The following COL14A1 variants were observed in gnomAD, a reference collection of about 807,000 sequenced individuals.
COL14A1 encodes collagen type XIV alpha 1 chain, also known as collagen alpha-1(XIV) chain.
COL14A1 carries 136 observed loss-of-function variants against 230.3 expected under a neutral mutation model. The observed-to-expected ratio is 0.59, with a 90% CI of 0.51 to 0.68. The LOEUF (loss-of-function observed/expected upper bound fraction) is 0.68, where lower values mean the gene tolerates loss of function less well. Ranked by LOEUF, COL14A1 falls within the 30% of genes least tolerant of loss-of-function variation. The probability of loss-of-function intolerance (pLI) is 0.00; values close to 1 mark genes in which losing one functional copy is unlikely to be tolerated. For missense variants in COL14A1, 1,976 were observed against 2,215.8 expected (o/e 0.89, Z 2.17); for synonymous variants, 792 against 784.1 (o/e 1.01, Z -0.17).
chr8:120,336,953 T>C (rs533643563), intron 42 of COL14A1, among the ~76,000 whole-genome samples: 10 of 152,200 alleles, frequency 6.6e-5, no homozygotes, highest in Non-Finnish European at 8.8e-5. Flanking sequence ...GGCTGTTAGG[T>C]ACTGCATTTC....
chr8:120,240,221 G>T (rs1818572086), intron 19 of COL14A1, among the ~76,000 whole-genome samples: 1 of 151,098 alleles, frequency 6.6e-6, no homozygotes, highest in Admixed American at 6.6e-5. Flanking sequence ...CCTTACAGAA[G>T]AACCTACTGT....
chr8:120,210,001 C>A, intron 12 of COL14A1, 100 bp downstream of exon 12: 1 of 996,448 alleles, frequency 1.0e-6, no homozygotes. Context: ...TTAGAAATTT[C>A]AGATTAGCCA....
intron 7 of COL14A1, among the ~76,000 whole-genome samples, 174 bp downstream of exon 7, chr8:120,198,104 T>G (rs1817105250): frequency 6.6e-6 from 1 of 152,130 alleles, no homozygotes; most frequent in African/African-American, 2.4e-5. Context: ...GATATCTCAT[T>G]CCTTTTACTC....
intron 40 of COL14A1, among the ~76,000 whole-genome samples, chr8:120,321,681 T>G (rs1056524857): frequency 6.6e-6 from 1 of 152,036 alleles, no homozygotes; most frequent in Non-Finnish European, 1.5e-5. Context: ...TGTCTTTATC[T>G]GGGACACAGG....
At chr8:120,223,606 G>T (rs866583213) in intron 14 of COL14A1, among the ~76,000 whole-genome samples, 23 of 152,246 alleles carry the variant, frequency 1.5e-4, no homozygotes, top group South Asian at 1.5e-3. Flanking sequence ...GGAGGCGGAG[G>T]TTGCAGTGAG....
chr8:120,138,078 C>T (rs1377995285), intron 1 of COL14A1, among the ~76,000 whole-genome samples: 3 of 151,210 alleles, frequency 2.0e-5, no homozygotes, highest in Non-Finnish European at 3.0e-5. Context: ...ATGTAATGCT[C>T]AATAAATATC....
intron 1 of COL14A1, among the ~76,000 whole-genome samples, chr8:120,141,280 T>C (rs936651119): frequency 6.6e-6 from 1 of 152,166 alleles, no homozygotes; most frequent in African/African-American, 2.4e-5. Flanking sequence ...CAGTGGCTCA[T>C]TCCTATAATC....
At chr8:120,369,937 A>G (rs1441469216) in intron 47 of COL14A1, among the ~76,000 whole-genome samples, 1 of 152,232 alleles carries the variant, frequency 6.6e-6, no homozygotes, top group Non-Finnish European at 1.5e-5. Context: ...GATTATTTTC[A>G]ATGAAATCAT....
intron 14 of COL14A1, among the ~76,000 whole-genome samples, chr8:120,217,852 T>C (rs774506465): frequency 1.9e-4 from 28 of 151,188 alleles, no homozygotes; most frequent in Non-Finnish European, 3.5e-4. Flanking sequence ...GAAGATAATA[T>C]AAATGAGTGA....
Position 120,371,516 on chromosome 8 carries a change from T to G in COL14A1, c.*285T>G. 1 of 397,312 alleles carries G rather than the reference T, an allele frequency of 2.5e-6. No homozygotes were observed. Among genetic ancestry groups the G allele is most frequent in the Admixed American group, 4.4e-5 (1 of 22,694 alleles). The allele number at this position is 397,312 out of a possible 1,614,324, so 24.6% of individuals were successfully genotyped here. A position where few individuals can be genotyped will look rare whatever the true frequency, so the allele number is the denominator to read the frequency against. On this transcript the variant is annotated 3_prime_UTR_variant, in exon 48 of 48. Coordinates refer to ENST00000297848, the MANE Select transcript of COL14A1 (RefSeq NM_021110.4). The stretch of plus-strand genomic sequence containing the variant: ...CAGAGAAGAGAGCTCAAAGAGGAAT[T>G]GGGAAAAATAAATTGAACTCTGGAA...
chr8:120,185,805 T>C (rs1816633383), intron 5 of COL14A1, among the ~76,000 whole-genome samples: 1 of 152,164 alleles, frequency 6.6e-6, no homozygotes, highest in Admixed American at 6.5e-5. Flanking sequence ...GGAGTTTTGC[T>C]CTTGTTGCCC....
chr8:120,372,325 T>A lies in COL14A1; in HGVS notation c.*1094T>A, dbSNP rs1812186678. On this transcript the variant is annotated 3_prime_UTR_variant, in exon 48 of 48. Coordinates refer to ENST00000297848, the MANE Select transcript of COL14A1 (RefSeq NM_021110.4). ...CTGCTAAATAAATGTTTATCAATAG[T>A]TGACTGAGGAGCCCACCTATCTTCT... Among the ~76,000 whole-genome samples, 1 of 152,204 alleles carries A rather than the reference T, an allele frequency of 6.6e-6. No homozygotes were observed. Among genetic ancestry groups the A allele is most frequent in the Non-Finnish European group, 1.5e-5 (1 of 68,036 alleles).
chr8:120,254,227 A>T lies in COL14A1; in HGVS notation c.2753-1013A>T, dbSNP rs888668211. On this transcript the variant is annotated intron_variant, in intron 22 of 47. Transcript: ENST00000297848. ...GTAAATATGTTGATTTTCTGCTTGGATCCAAATGATAAACACTGGCTACCT... is the reference window on the plus strand; with the variant it reads ...GTAAATATGTTGATTTTCTGCTTGGTTCCAAATGATAAACACTGGCTACCT... Among the ~76,000 whole-genome samples, 243 of 152,298 alleles carry T rather than the reference A, an allele frequency of 1.6e-3. 1 individual carries two copies. The highest frequency in any genetic ancestry group is 9.4e-4 in the Non-Finnish European group (64 of 68,024).
chr8:120,324,682 A>G (rs1016976115), intron 40 of COL14A1, among the ~76,000 whole-genome samples: 2 of 152,180 alleles, frequency 1.3e-5, no homozygotes, highest in African/African-American at 4.8e-5. Context: ...TCTAACCGAG[A>G]GTGTAGCATC....
At chr8:120,292,496 A>G (rs1337980904) in intron 34 of COL14A1, among the ~76,000 whole-genome samples, 1 of 152,166 alleles carries the variant, frequency 6.6e-6, no homozygotes. Context: ...AAATGAATGT[A>G]TTAAGTTAGA....
At chr8:120,235,581 T>G (rs1048704812) in intron 19 of COL14A1, among the ~76,000 whole-genome samples, 6 of 152,064 alleles carry the variant, frequency 3.9e-5, no homozygotes, top group African/African-American at 1.5e-4. Flanking sequence ...CTGGATTCAC[T>G]GATTTTTTGA....
chr8:120,330,419 G>A (rs1821823785), intron 40 of COL14A1, among the ~76,000 whole-genome samples: 1 of 152,160 alleles, frequency 6.6e-6, no homozygotes, highest in Non-Finnish European at 1.5e-5. Flanking sequence ...CACATGGCTG[G>A]GGAGACCTCA....
At chr8:120,153,940 G>T (rs893679439) in intron 2 of COL14A1, among the ~76,000 whole-genome samples, 1 of 152,100 alleles carries the variant, frequency 6.6e-6, no homozygotes, top group Non-Finnish European at 1.5e-5. Context: ...CTGCTTGACC[G>T]GGTTTAAGTG....
intron 19 of COL14A1, among the ~76,000 whole-genome samples, chr8:120,236,041 G>A (rs933477222): frequency 6.6e-6 from 1 of 152,144 alleles, no homozygotes; most frequent in African/African-American, 2.4e-5. Context: ...CCAATTGTGT[G>A]GTGAATTTTA....
Sources: allele counts gnomAD v4.1 joint callset (sites outside exome capture counted in the v4.1 genomes callset), GRCh38; gene constraint gnomAD v4.1.1; transcripts MANE v1.5; gene names NCBI Gene and HGNC (gene_info 2026-07-23, HGNC 2026-07-21).